Variants in SLC38A10 observed in about 807,000 individuals in gnomAD.
SLC38A10 encodes solute carrier family 38 member 10.
Under a neutral mutation model 81.0 loss-of-function variants are expected in SLC38A10, and 53 were observed. The observed-to-expected ratio is 0.65, with a 90% CI of 0.53 to 0.82. SLC38A10 has a LOEUF of 0.82. SLC38A10 is among the 40% of genes least tolerant of loss of function. The probability of loss-of-function intolerance (pLI) is 0.00; values close to 1 mark genes in which losing one functional copy is unlikely to be tolerated. For missense variants in SLC38A10, 1,471 were observed against 1,545.0 expected, an observed-to-expected ratio of 0.95 and a Z score of 0.80; for synonymous variants, 665 against 655.3, an observed-to-expected ratio of 1.01 and a Z score of -0.23.
Position 81,246,472 on chromosome 17 carries a change from G to T in SLC38A10, c.2444C>A (p.Ala815Asp). The T allele has an allele frequency of 6.4e-7, 1 of 1,571,318 alleles. No individual in the cohort carries two copies. Among genetic ancestry groups the T allele is most frequent in the South Asian group, 1.2e-5 (1 of 84,770 alleles). Residue 815 changes from alanine (A) to aspartate (D), a missense_variant, in exon 16 of 16, where the codon GCT (alanine) becomes GAT (aspartate). Ala to Asp is a moderately radical substitution (Grantham distance 126). This residue lies in a region of SLC38A10 where 751 missense variants were observed against 717.4 expected (regional missense o/e 1.05). Transcript: ENST00000374759. ...GTCAGGGCCGCCGTCAGGAGGGCCAGCAGGGTCTCTGCCCACAGGCCCCTC... is the reference window on the plus strand; with the variant it reads ...GTCAGGGCCGCCGTCAGGAGGGCCATCAGGGTCTCTGCCCACAGGCCCCTC... ...HSEGPVGRDP[A>D]GPPDGGPDTE...
rs538330654 is a variant in SLC38A10 at position 81,286,787 on chromosome 17, G to A, written c.218-1892C>T. Among the ~76,000 whole-genome samples, 1 of 152,264 alleles carries A rather than the reference G, an allele frequency of 6.6e-6. No individual in the cohort carries two copies. Among genetic ancestry groups the A allele is most frequent in the African/African-American group, 2.4e-5 (1 of 41,560 alleles). On this transcript the variant is annotated intron_variant, in intron 2 of 15. Coordinates refer to ENST00000374759, the MANE Select transcript of SLC38A10 (RefSeq NM_001037984.3). The surrounding 1 kb of genome is among the most constrained non-coding windows in gnomAD (Gnocchi z 6.0). ...CCTGGACCACCCAACGAAAGGACGC[G>A]GGCAGCACTCCTGACACCGCTGCTC...
At chr17:81,251,705 G>A in intron 13 of SLC38A10, 93 bp from the exon 14 acceptor site, 3 of 1,339,970 alleles carry the variant, frequency 2.2e-6, no homozygotes, top group East Asian at 2.6e-5. Flanking sequence ...GGGACAAAAG[G>A]AAGTGGCAGA....
At chr17:81,249,454 A>AG in intron 14 of SLC38A10, among the ~76,000 whole-genome samples, 1 of 902 alleles carries the variant, frequency 1.1e-3, no homozygotes, top group Non-Finnish European at 2.7e-3. Context: ...GGAGGGAGGG[A>AG]AGAGGAGGGA....
chr17:81,284,851 T>C lies in SLC38A10; in HGVS notation c.262A>G (p.Ser88Gly). 1 of 1,542,220 alleles carries C rather than the reference T, an allele frequency of 6.5e-7. No homozygotes were observed. The highest frequency in any genetic ancestry group is 1.2e-5 in the South Asian group (1 of 82,986). The change falls in exon 3 of 16, where the codon AGC becomes GGC. Residue 88 changes from serine (S) to glycine (G), a missense_variant and splice_region_variant. Around this residue, in one of 2 missense-constraint regions of SLC38A10, gnomAD observed 720 missense variants for 827.7 expected, o/e 0.87. Coordinates refer to ENST00000374759, the MANE Select transcript of SLC38A10 (RefSeq NM_001037984.3). Reference protein sequence around the residue: ...GKAGKMLVETSMIGLMLGTCI... With the variant: ...GKAGKMLVETGMIGLMLGTCI... ...GCGCAGCGGCAGGGCGGGGCTTACC[T>C]GGTCTCCACCAGCATCTTGCCTGCC...
chr17:81,245,609 C>T lies in SLC38A10; in HGVS notation c.3307G>A (p.Val1103Met), dbSNP rs1346661001. 1 of 1,612,168 alleles carries T rather than the reference C, an allele frequency of 6.2e-7. No individual in the cohort carries two copies. Among genetic ancestry groups the T allele is most frequent in the African/African-American group, 1.3e-5 (1 of 75,042 alleles). The change falls in exon 16 of 16, where the codon GTG (valine) becomes ATG (methionine). Residue 1103 changes from valine (V) to methionine (M), a missense_variant. This residue lies in a region of SLC38A10 where 751 missense variants were observed against 717.4 expected (regional missense o/e 1.05). Coordinates refer to ENST00000374759, the MANE Select transcript of SLC38A10 (RefSeq NM_001037984.3). ...TGTCTAAGCTGCCGGCTGTGGACCA[C>T]CTGCAGAGCTCCCCCCGCAGCCTGG... is the stretch of plus-strand genomic sequence containing the variant. The part of the protein sequence containing the change: ...LRQAAGGALQ[V>M]VHSRQLRQAP...
intron 8 of SLC38A10, among the ~76,000 whole-genome samples, chr17:81,274,339 G>A (rs1465983617): frequency 1.3e-5 from 2 of 152,240 alleles, no homozygotes; most frequent in South Asian, 2.1e-4. Flanking sequence ...AGGCTGTGGT[G>A]ACCGCACACC....
intron 9 of SLC38A10, among the ~76,000 whole-genome samples, chr17:81,271,694 A>G (rs1258443889): frequency 6.6e-6 from 1 of 151,732 alleles, no homozygotes; most frequent in Non-Finnish European, 1.5e-5. Flanking sequence ...CCGGCACTGC[A>G]GTCTCTCTCT....
chr17:81,295,145 A>C lies in SLC38A10; in HGVS notation c.-224T>G, dbSNP rs2063338780. 4.8e-6 allele frequency: 3 copies of C among 626,156 alleles called. No individual in the cohort carries two copies. Among genetic ancestry groups the C allele is most frequent in the Non-Finnish European group, 4.3e-6 (2 of 459,906 alleles). 38.8% of individuals were successfully genotyped at this position (626,156 alleles called of 1,614,324 possible). A position where few individuals can be genotyped will look rare whatever the true frequency, so the allele number is the denominator to read the frequency against. On this transcript the variant is annotated 5_prime_UTR_variant, in exon 1 of 16. Transcript: ENST00000374759. Reference sequence around the variant, plus strand: ...AAGGCCGGCTGCGGGGGCGAGGTCAACCTCCGGACCCCGCCAAGCCCTGCG... The same window carrying C: ...AAGGCCGGCTGCGGGGGCGAGGTCACCCTCCGGACCCCGCCAAGCCCTGCG...
chr17:81,251,365 A>AG (rs1293261108), intron 14 of SLC38A10, 128 bp downstream of exon 14: 2 of 1,612,830 alleles, frequency 1.2e-6, no homozygotes. Context: ...TCTGCTCAGC[A>AG]GGCGGCTGGA....
chr17:81,246,099 C>T lies in SLC38A10; in HGVS notation c.2817G>A (p.Ala939=), dbSNP rs376026493. The T allele has an allele frequency of 4.1e-5, 66 of 1,608,300 alleles. No homozygotes were observed. The highest frequency in any genetic ancestry group is 1.0e-4 in the Admixed American group (6 of 59,908). The part of the protein sequence containing the change: ...KQVSRDLGLA[A]DLPGGAEGAA... ...CTCCTTCCGCCCCACCGGGCAGGTC[C>T]GCTGCAAGGCCCAGGTCTCGGCTCA... is the stretch of plus-strand genomic sequence containing the variant. The change falls in exon 16 of 16, where the codon GCG becomes GCA. Residue 939 remains alanine, a synonymous_variant. Coordinates refer to ENST00000374759, the MANE Select transcript of SLC38A10 (RefSeq NM_001037984.3).
At chr17:81,269,590 G>T (rs904937667) in intron 10 of SLC38A10, among the ~76,000 whole-genome samples, 1 of 152,184 alleles carries the variant, frequency 6.6e-6, no homozygotes, top group Admixed American at 6.5e-5. Flanking sequence ...CCTTTGGGGT[G>T]GGGGTGGATG....
chr17:81,260,879 C>T (rs2063016917), intron 10 of SLC38A10, among the ~76,000 whole-genome samples: 1 of 152,260 alleles, frequency 6.6e-6, no homozygotes, highest in African/African-American at 2.4e-5. Flanking sequence ...ACTTGAGCGT[C>T]CCCGTCCATG....
At chr17:81,252,136 C>T (rs1351079590) in intron 13 of SLC38A10, 59 bp downstream of exon 13, 1 of 1,486,602 alleles carries the variant, frequency 6.7e-7, no homozygotes, top group African/African-American at 1.4e-5. Flanking sequence ...CTGCCCCTGC[C>T]CAGCCTCCCC....
intron 10 of SLC38A10, 70 bp from the exon 11 acceptor site, chr17:81,260,464 G>T (rs1049108496): frequency 4.0e-6 from 6 of 1,510,332 alleles, no homozygotes; most frequent in Admixed American, 4.5e-5. Context: ...TATAAAACTG[G>T]CCTGGCAGAG....
intron 4 of SLC38A10, among the ~76,000 whole-genome samples, chr17:81,282,584 C>T (rs111775073): frequency 6.6e-6 from 1 of 152,242 alleles, no homozygotes; most frequent in South Asian, 2.1e-4. Context: ...CCAGCCAGAG[C>T]AGGACAGCAG....
At position 81,246,040 on chromosome 17, in the gene SLC38A10, G is replaced by T. The variant is rs776825840; in HGVS notation, c.2876C>A (p.Pro959Gln). ...AAQPQAVLRQ[P>Q]ELRVISDGEQ... is the part of the protein sequence containing the mutation. ...GCCATCAGAGATGACCCGCAGTTCCGGCTGGCGTAACACAGCCTGGGGCTG... is the reference window on the plus strand; with the variant it reads ...GCCATCAGAGATGACCCGCAGTTCCTGCTGGCGTAACACAGCCTGGGGCTG... The change falls in exon 16 of 16, where the codon CCG becomes CAG. Residue 959 changes from proline (P) to glutamine (Q), a missense_variant. Pro to Gln is a moderately conservative substitution (Grantham distance 76, BLOSUM62 -1). Around this residue, in one of 2 missense-constraint regions of SLC38A10, gnomAD observed 751 missense variants for 717.4 expected, o/e 1.05. Transcript: ENST00000374759. 6.2e-7 allele frequency: 1 copy of T among 1,610,246 alleles called. No individual in the cohort carries two copies. The highest frequency in any genetic ancestry group is 1.7e-5 in the Admixed American group (1 of 59,950).
chr17:81,253,038 C>A lies in SLC38A10; in HGVS notation c.1456+35G>T. ...CTGCAAAGGAGGACCCGGGGCCGCC[C>A]TTCCCCATCCGCACCCCCAGCCAGT... On this transcript the variant is annotated intron_variant, in intron 12 of 15. Coordinates refer to ENST00000374759, the MANE Select transcript of SLC38A10 (RefSeq NM_001037984.3). The surrounding 1 kb of genome is among the most constrained non-coding windows in gnomAD (Gnocchi z 4.1). The A allele has an allele frequency of 6.2e-7, 1 of 1,603,150 alleles. No individual in the cohort carries two copies. The highest frequency in any genetic ancestry group is 8.5e-7 in the Non-Finnish European group (1 of 1,175,666).
Position 81,270,420 on chromosome 17 carries a change from GCA to G in SLC38A10, c.1131+496_1131+497del, listed in dbSNP as rs1381398314. Reference sequence around the variant, plus strand: ...CCATGAAACGGCTAAAAATAGCGAGGCAGCTCTGTGCCCACGGCTGTGGAGCA... The same window carrying G: ...CCATGAAACGGCTAAAAATAGCGAGGGCTCTGTGCCCACGGCTGTGGAGCA... On this transcript the variant is annotated intron_variant, in intron 10 of 15. Transcript: ENST00000374759. The surrounding 1 kb of genome is among the most constrained non-coding windows in gnomAD (Gnocchi z 4.0). Among the ~76,000 whole-genome samples the G allele has an allele frequency of 6.6e-6, 1 of 152,170 alleles. No homozygotes were observed. The highest frequency in any genetic ancestry group is 1.5e-5 in the Non-Finnish European group (1 of 68,034).
At chr17:81,284,787 G>A in intron 3 of SLC38A10, 63 bp downstream of exon 3, 1 of 1,369,602 alleles carries the variant, frequency 7.3e-7, no homozygotes, top group South Asian at 1.4e-5. Context: ...GCTCCCACCG[G>A]GAGGGTCCCC....
Sources: gnomAD v4.1 joint callset for allele counts (sites outside exome capture counted in the v4.1 genomes callset) on GRCh38, gnomAD v4.1.1 for gene constraint, gnomAD v4.1.1 regional missense constraint, Gnocchi (gnomAD v3.1) non-coding constraint, MANE v1.5 for transcripts, NCBI Gene and HGNC (gene_info 2026-07-23, HGNC 2026-07-21) for gene names.